FAM216A: variants seen among roughly 807,000 people sequenced by gnomAD.
The protein encoded by FAM216A is protein FAM216A.
A neutral mutation model predicts 37.6 loss-of-function variants in FAM216A; 26 were observed. The ratio of observed to expected loss-of-function variants is 0.69; its 90% CI spans 0.51 to 0.96. FAM216A has a LOEUF of 0.96. Among genes scored for constraint, FAM216A ranks in the 40% least tolerant of loss-of-function variants. The probability of loss-of-function intolerance (pLI) is 0.00; values close to 1 mark genes in which losing one functional copy is unlikely to be tolerated. For missense variants in FAM216A, 326 were observed against 339.3 expected (o/e 0.96, Z 0.31); for synonymous variants, 110 against 121.7 (o/e 0.90, Z 0.64).
At chr12:110,479,715 G>C (rs912248958) in intron 2 of FAM216A, among the ~76,000 whole-genome samples, 2 of 151,866 alleles carry the variant, frequency 1.3e-5, no homozygotes, top group Non-Finnish European at 2.9e-5. Context: ...GCGCGTGTCT[G>C]TAATCCCAGC....
At chr12:110,472,777 G>C (rs1380327166) in intron 1 of FAM216A, among the ~76,000 whole-genome samples, 7 of 151,790 alleles carry the variant, frequency 4.6e-5, no homozygotes, top group African/African-American at 7.3e-5. Context: ...CTGAGGTCAG[G>C]AGTTTGAGAC....
At chr12:110,477,540 T>C (rs980203397) in intron 2 of FAM216A, among the ~76,000 whole-genome samples, 1 of 151,682 alleles carries the variant, frequency 6.6e-6, no homozygotes, top group Non-Finnish European at 1.5e-5. Flanking sequence ...TTTTTTTTAG[T>C]AGAGACGGGG....
upstream of FAM216A, chr12:110,468,452 T>C (rs2062653701): frequency 6.5e-7 from 1 of 1,535,918 alleles, no homozygotes; most frequent in Non-Finnish European, 8.7e-7. Context: ...GCCGTTGGGA[T>C]GCTGTCTAAG....
At chr12:110,489,294 C>T (rs537288105) in intron 6 of FAM216A, among the ~76,000 whole-genome samples, 1 of 152,168 alleles carries the variant, frequency 6.6e-6, no homozygotes, top group South Asian at 2.1e-4. Flanking sequence ...CACCTGAGGT[C>T]AGGAGTTCGA....
At chr12:110,470,616 T>A (rs1199782897) in intron 1 of FAM216A, among the ~76,000 whole-genome samples, 1 of 152,018 alleles carries the variant, frequency 6.6e-6, no homozygotes, top group Non-Finnish European at 1.5e-5. Flanking sequence ...TAGCTGGGAC[T>A]ACAGGTGTGC....
intron 5 of FAM216A, 189 bp downstream of exon 5, chr12:110,486,906 C>A: frequency 1.8e-6 from 1 of 554,074 alleles, no homozygotes; most frequent in South Asian, 2.5e-5. Flanking sequence ...AAGGCACAAA[C>A]CACCATGCCC....
chr12:110,478,184 G>A (rs929438948), intron 2 of FAM216A, among the ~76,000 whole-genome samples: 1 of 151,944 alleles, frequency 6.6e-6, no homozygotes, highest in Non-Finnish European at 1.5e-5. Flanking sequence ...TATTTATTTT[G>A]ATGCTCAAAT....
Position 110,485,083 on chromosome 12 carries a change from A to C in FAM216A, c.190A>C (p.Ile64Leu). The change falls in exon 3 of 7, where the codon ATC (isoleucine) becomes CTC (leucine). Residue 64 changes from isoleucine to leucine, a missense_variant. By Grantham distance (5) the Ile-to-Leu change is conservative. Transcript: ENST00000377673. ...CYQNSKGSDR[I>L]KDGYKVNSHI... is the part of the protein sequence containing the mutation. ...CATGATGTCTTTGCCTACAGATAGA[A>C]TCAAAGATGGATACAAAGTGAACTC... 2 of 1,605,364 alleles carry C rather than the reference A, an allele frequency of 1.2e-6. No homozygotes were observed. Among genetic ancestry groups the C allele is most frequent in the Non-Finnish European group, 1.7e-6 (2 of 1,177,880 alleles).
chr12:110,468,527 T>C, upstream of FAM216A: 2 of 1,537,254 alleles, frequency 1.3e-6, no homozygotes, highest in Non-Finnish European at 8.7e-7. Flanking sequence ...CGTGCTTCGG[T>C]CCGTGGTTTG....
chr12:110,486,809 T>C (rs1333973871), intron 5 of FAM216A, 92 bp downstream of exon 5: 1 of 1,133,990 alleles, frequency 8.8e-7, no homozygotes, highest in Non-Finnish European at 1.3e-6. Context: ...CAGGCTGGAG[T>C]GTAGTGGTGT....
Position 110,490,115 on chromosome 12 carries a change from G to C in FAM216A, c.800G>C (p.Gly267Ala). 6.5e-7 allele frequency: 1 copy of C among 1,543,974 alleles called. No individual in the cohort carries two copies. The highest frequency in any genetic ancestry group is 9.0e-7 in the Non-Finnish European group (1 of 1,116,186). Residue 267 changes from glycine (G) to alanine (A), a missense_variant, in exon 7 of 7, where the codon GGA becomes GCA. Gly to Ala is a moderately conservative substitution (Grantham distance 60). Transcript: ENST00000377673. Reference sequence around the variant, plus strand: ...CAATCAATGTCAATTGAAGAACAGGGAGAACATCTGATGTTAACTTGACAG... The same window carrying C: ...CAATCAATGTCAATTGAAGAACAGGCAGAACATCTGATGTTAACTTGACAG... ...FMQSMSIEEQGEHLMLT is the reference protein window; with the variant it reads ...FMQSMSIEEQAEHLMLT
chr12:110,468,552 A>G, upstream of FAM216A: 4 of 1,537,226 alleles, frequency 2.6e-6, no homozygotes, highest in Admixed American at 5.9e-5. Context: ...CAGACGTTTG[A>G]CCTGTATGGT....
chr12:110,472,059 T>C (rs886262606), intron 1 of FAM216A, among the ~76,000 whole-genome samples: 4 of 151,220 alleles, frequency 2.6e-5, no homozygotes, highest in African/African-American at 9.7e-5. Flanking sequence ...TGGCGAAACC[T>C]TGTCTGTACT....
rs770265412 is a variant in FAM216A, at chr12:110,485,112, C to A, written c.219C>A (p.His73Gln). 1.2e-6 allele frequency: 2 copies of A among 1,612,500 alleles called. No individual in the cohort carries two copies. Residue 73 changes from histidine to glutamine, a missense_variant, in exon 3 of 7, where the codon CAC becomes CAA. Transcript: ENST00000377673. ...AAGATGGATACAAAGTGAACTCACA[C>A]ATAGCTAAGCTGCAAGAGTTATGGA... ...RIKDGYKVNS[H>Q]IAKLQELWKT...
intron 1 of FAM216A, 58 bp downstream of exon 1, chr12:110,469,076 C>T: frequency 7.3e-7 from 1 of 1,374,338 alleles, no homozygotes; most frequent in Non-Finnish European, 9.4e-7. Context: ...GTCGTGAGGC[C>T]CCCGGGTCGT....
chr12:110,488,069 C>A, intron 6 of FAM216A, 126 bp downstream of exon 6: 2 of 648,894 alleles, frequency 3.1e-6, no homozygotes, highest in Non-Finnish European at 2.7e-6. Context: ...CTTTTATTGT[C>A]ACAAATAAAA....
Position 110,486,677 on chromosome 12 carries a change from A to C in FAM216A, c.580A>C (p.Ile194Leu), listed in dbSNP as rs368343004. 6.2e-7 allele frequency: 1 copy of C among 1,614,126 alleles called. No individual in the cohort carries two copies. The highest frequency in any genetic ancestry group is 1.1e-5 in the South Asian group (1 of 91,080). Residue 194 changes from isoleucine (I) to leucine (L), a missense_variant, in exon 5 of 7, where the codon ATA becomes CTA. Coordinates refer to ENST00000377673, the MANE Select transcript of FAM216A (RefSeq NM_013300.3). ...AGCTGCATCTGCACCTGAAATGCTC[A>C]TACAGCATTCCCTTTGGCGGCCAGT... ...IAAASAPEML[I>L]QHSLWRPVRN...
chr12:110,477,254 C>T (rs1236598811), intron 2 of FAM216A, among the ~76,000 whole-genome samples: 1 of 152,122 alleles, frequency 6.6e-6, no homozygotes, highest in Non-Finnish European at 1.5e-5. Flanking sequence ...TGATTCTTAC[C>T]CTTTGTAAAG....
intron 6 of FAM216A, 38 bp downstream of exon 6, chr12:110,487,981 T>A (rs758353630): frequency 5.4e-5 from 65 of 1,199,858 alleles, no homozygotes; most frequent in Admixed American, 2.1e-4. Context: ...TTTTTTAAGA[T>A]CTTATGCTTA....
Sources: gnomAD v4.1 joint callset for allele counts (sites outside exome capture counted in the v4.1 genomes callset) on GRCh38, gnomAD v4.1.1 for gene constraint, MANE v1.5 for transcripts, NCBI Gene and HGNC (gene_info 2026-07-23, HGNC 2026-07-21) for gene names.